Variants in EPS8 observed in about 807,000 individuals in gnomAD.
EPS8 encodes EGFR pathway substrate 8, signaling adaptor.
EPS8 carries 42 observed loss-of-function variants against 103.8 expected under a neutral mutation model. That is an observed-to-expected ratio of 0.40 (90% CI 0.32 to 0.52). The LOEUF is 0.52. Ranked by LOEUF, EPS8 falls within the 20% of genes least tolerant of loss-of-function variation. EPS8 has a pLI of 0.40. For synonymous variants in EPS8, 344 were observed against 344.6 expected (o/e 1.00, Z 0.02); for missense variants, 969 against 1,005.1 (o/e 0.96, Z 0.49).
At position 15,731,661 on chromosome 12, in the gene EPS8, A is replaced by C. The variant is rs150029701; in HGVS notation, c.-21-48689T>G. On this transcript the variant is annotated intron_variant, in intron 1 of 20. Transcript: ENST00000281172. This position sits in a 1 kb window ranked among gnomAD's most constrained non-coding sequence, Gnocchi z 5.1. ...TTCATGCTAAAGATTCTAAGAGCTA[A>C]AGTATTTTCTGAATAGAGAAGATTT... is the stretch of plus-strand genomic sequence containing the variant. Among the ~76,000 whole-genome samples the C allele has an allele frequency of 0.015, 2,269 of 152,272 alleles. 64 individuals are homozygous for C. Among genetic ancestry groups the C allele is most frequent in the African/African-American group, 0.052 (2,152 of 41,556 alleles).
At chr12:15,707,623 C>T (rs1256161602) in intron 1 of EPS8, among the ~76,000 whole-genome samples, 2 of 151,900 alleles carry the variant, frequency 1.3e-5, no homozygotes, top group Admixed American at 6.6e-5. Context: ...CCTCTGGTAT[C>T]GCCTTGCTCT....
rs549574901 is a variant in EPS8 at position 15,783,037 on chromosome 12, C to T, written c.-22+6124G>A. On this transcript the variant is annotated intron_variant, in intron 1 of 20. Coordinates refer to ENST00000281172, the MANE Select transcript of EPS8 (RefSeq NM_004447.6). The stretch of plus-strand genomic sequence containing the variant: ...TGCCACTAGAGATGCCAGAAATGCT[C>T]CCAAGAAACAGAGAAAAGTCATGAC... Among the ~76,000 whole-genome samples the T allele has an allele frequency of 8.3e-4, 127 of 152,266 alleles. 1 individual carries two copies. The South Asian group carries it at 0.013, about 16-fold the overall frequency.
chr12:15,685,247 T>C (rs760317642), intron 1 of EPS8, among the ~76,000 whole-genome samples: 1 of 152,212 alleles, frequency 6.6e-6, no homozygotes, highest in Non-Finnish European at 1.5e-5. Context: ...ATTAAGCCTC[T>C]GGCCTCTGTC....
At chr12:15,644,697 C>CAAAA (rs10559403) in intron 15 of EPS8, among the ~76,000 whole-genome samples, 1 of 122,142 alleles carries the variant, frequency 8.2e-6, no homozygotes, top group Non-Finnish European at 1.8e-5. Context: ...GACTCTGTCT[C>CAAAA]AAAAAAAAAA....
rs1424743411 is a variant in EPS8, at chr12:15,745,914, C to T, written c.-22+43247G>A. Among the ~76,000 whole-genome samples the T allele has an allele frequency of 2.0e-5, 3 of 152,128 alleles. No individual in the cohort carries two copies. The highest frequency in any genetic ancestry group is 1.9e-4 in the East Asian group (1 of 5,198). ...TGAATTACTATCATGACAATAAATG[C>T]GATCATGCCATAAAATCTCACAAAG... is the stretch of plus-strand genomic sequence containing the variant. On this transcript the variant is annotated intron_variant, in intron 1 of 20. Transcript: ENST00000281172. This position sits in a 1 kb window ranked among gnomAD's most constrained non-coding sequence, Gnocchi z 4.6.
chr12:15,655,830 G>A (rs541411581), intron 12 of EPS8, among the ~76,000 whole-genome samples: 7 of 152,324 alleles, frequency 4.6e-5, no homozygotes, highest in African/African-American at 1.7e-4. Flanking sequence ...AGAGCAACTC[G>A]CAGGTGTAAA....
At chr12:15,637,877 G>A (rs1446886681) in intron 17 of EPS8, among the ~76,000 whole-genome samples, 1 of 152,110 alleles carries the variant, frequency 6.6e-6, no homozygotes, top group Non-Finnish European at 1.5e-5. Flanking sequence ...GCAGGCTTTC[G>A]GGAAGGATCT....
In EPS8 at chr12:15,702,823, T is replaced by TA; in HGVS notation, c.-21-19852dup. On this transcript the variant is annotated intron_variant, in intron 1 of 20. Coordinates refer to ENST00000281172, the MANE Select transcript of EPS8 (RefSeq NM_004447.6). This position sits in a 1 kb window ranked among gnomAD's most constrained non-coding sequence, Gnocchi z 5.1. ...TTATGCACGTAATGGTTATTAAAGG[T>TA]AAACATTCAATAGAGTGAGCAAAAC... Among the ~76,000 whole-genome samples the TA allele has an allele frequency of 6.6e-6, 1 of 152,146 alleles. No individual in the cohort carries two copies. The highest frequency in any genetic ancestry group is 1.9e-4 in the East Asian group (1 of 5,194).
chr12:15,724,610 T>G (rs146852313), intron 1 of EPS8, among the ~76,000 whole-genome samples: 178 of 152,346 alleles, frequency 1.2e-3, no homozygotes, highest in African/African-American at 4.1e-3. Flanking sequence ...TCTTGAATTA[T>G]AGCTCCCATA....
At position 15,716,345 on chromosome 12, in the gene EPS8, G is replaced by A. The variant is rs1946533431; in HGVS notation, c.-21-33373C>T. ...ATCTATCAGTAAAGATGATAATGAA[G>A]TCTTATGAAAGGCTAATCTGGCACA... is the stretch of plus-strand genomic sequence containing the variant. On this transcript the variant is annotated intron_variant, in intron 1 of 20. Coordinates refer to ENST00000281172, the MANE Select transcript of EPS8 (RefSeq NM_004447.6). The surrounding 1 kb of genome is among the most constrained non-coding windows in gnomAD (Gnocchi z 5.0). 6.6e-6 allele frequency among the ~76,000 whole-genome samples: 1 copy of A among 152,134 alleles called. No homozygotes were observed. The highest frequency in any genetic ancestry group is 6.5e-5 in the Admixed American group (1 of 15,284).
intron 2 of EPS8, among the ~76,000 whole-genome samples, 195 bp from the exon 3 acceptor site, chr12:15,681,497 G>A (rs775960223): frequency 3.3e-5 from 5 of 151,768 alleles, no homozygotes; most frequent in South Asian, 2.1e-4. Context: ...TTGGGAGGCC[G>A]AGGTGGGCAC....
chr12:15,678,513 A>T (rs1591847457), intron 3 of EPS8, among the ~76,000 whole-genome samples: 1 of 152,148 alleles, frequency 6.6e-6, no homozygotes, highest in Admixed American at 6.5e-5. Context: ...GCTCATTTTC[A>T]TTACAGTATA....
At chr12:15,740,702 G>A (rs1946812509) in intron 1 of EPS8, among the ~76,000 whole-genome samples, 1 of 152,056 alleles carries the variant, frequency 6.6e-6, no homozygotes, top group South Asian at 2.1e-4. Context: ...GAATAAGACA[G>A]TCTCTCCCAA....
intron 1 of EPS8, among the ~76,000 whole-genome samples, chr12:15,763,653 G>GA (rs1947064036): frequency 6.6e-6 from 1 of 152,008 alleles, no homozygotes; most frequent in South Asian, 2.1e-4. Flanking sequence ...GATAAAATTA[G>GA]AAAAAAACTA....
intron 1 of EPS8, among the ~76,000 whole-genome samples, chr12:15,726,071 T>C (rs753895398): frequency 4.6e-5 from 7 of 152,144 alleles, no homozygotes; most frequent in East Asian, 3.9e-4. Context: ...CTCATGAAAA[T>C]TGAATAGACA....
chr12:15,633,205 C>T (rs2135735400), intron 17 of EPS8, among the ~76,000 whole-genome samples: 1 of 152,010 alleles, frequency 6.6e-6, no homozygotes, highest in Non-Finnish European at 1.5e-5. Context: ...ATTATTATTC[C>T]CCACAAACAA....
chr12:15,653,348 T>C (rs1945447893), intron 13 of EPS8, among the ~76,000 whole-genome samples: 1 of 152,216 alleles, frequency 6.6e-6, no homozygotes, highest in Non-Finnish European at 1.5e-5. Flanking sequence ...AACCACACTC[T>C]AACTCTTTAG....
chr12:15,679,899 T>G (rs1024771113), intron 3 of EPS8, among the ~76,000 whole-genome samples: 1 of 152,246 alleles, frequency 6.6e-6, no homozygotes, highest in Admixed American at 6.5e-5. Flanking sequence ...ATTATTTTAT[T>G]CTTATCCAAA....
intron 1 of EPS8, among the ~76,000 whole-genome samples, chr12:15,686,126 C>A (rs1946091913): frequency 6.6e-6 from 1 of 152,074 alleles, no homozygotes; most frequent in African/African-American, 2.4e-5. Flanking sequence ...AAAACCGACC[C>A]CTCCACTTCT....
Sources: gnomAD v4.1 joint callset for allele counts (sites outside exome capture counted in the v4.1 genomes callset) on GRCh38, gnomAD v4.1.1 for gene constraint, Gnocchi (gnomAD v3.1) non-coding constraint, MANE v1.5 for transcripts, NCBI Gene and HGNC (gene_info 2026-07-23, HGNC 2026-07-21) for gene names.